TSPAN5: variants seen among roughly 807,000 people sequenced by gnomAD.
TSPAN5 encodes the protein tetraspanin 5, also known as tetraspanin-5.
Under a neutral mutation model 37.1 loss-of-function variants are expected in TSPAN5, and 10 were observed. That is an observed-to-expected ratio of 0.27 (90% CI 0.17 to 0.46). The LOEUF (loss-of-function observed/expected upper bound fraction) is 0.46. TSPAN5 is among the 20% of genes least tolerant of loss of function. The pLI, the probability that TSPAN5 is intolerant of heterozygous loss-of-function variation, is 1.00. For synonymous variants in TSPAN5, 110 were observed against 118.9 expected, an observed-to-expected ratio of 0.93 and a Z score of 0.48; for missense variants, 195 against 326.6, an observed-to-expected ratio of 0.60 and a Z score of 3.11.
intron 1 of TSPAN5, among the ~76,000 whole-genome samples, chr4:98,614,953 G>A (rs572241735): frequency 4.4e-4 from 67 of 152,252 alleles, no homozygotes; most frequent in Non-Finnish European, 7.2e-4. Flanking sequence ...TGCCCTATTG[G>A]CCAACAACAT....
intron 2 of TSPAN5, among the ~76,000 whole-genome samples, chr4:98,501,152 T>C (rs1753338075): frequency 6.6e-6 from 1 of 152,236 alleles, no homozygotes; most frequent in Admixed American, 6.5e-5. Flanking sequence ...AGATTTCCAC[T>C]TTTACGAGAG....
intron 1 of TSPAN5, among the ~76,000 whole-genome samples, chr4:98,523,728 C>T (rs540664478): frequency 1.1e-4 from 16 of 152,272 alleles, no homozygotes; most frequent in South Asian, 4.1e-4. Flanking sequence ...CATAAGCCAC[C>T]GTGCCCAGCT....
At chr4:98,601,045 A>C (rs1755871055) in intron 1 of TSPAN5, among the ~76,000 whole-genome samples, 1 of 152,232 alleles carries the variant, frequency 6.6e-6, no homozygotes, top group African/African-American at 2.4e-5. Flanking sequence ...TGGAACAGTA[A>C]TATTTTGGAA....
chr4:98,562,639 A>G (rs1754907056), intron 1 of TSPAN5, among the ~76,000 whole-genome samples: 1 of 152,056 alleles, frequency 6.6e-6, no homozygotes, highest in African/African-American at 2.4e-5. Context: ...CCAGCCTGGC[A>G]ACACAGCGAG....
intron 1 of TSPAN5, among the ~76,000 whole-genome samples, chr4:98,533,776 G>T (rs1373100832): frequency 9.5e-5 from 14 of 147,668 alleles, no homozygotes; most frequent in African/African-American, 2.2e-4. Context: ...GGTCTCGATC[G>T]CCTGACCTCG....
intron 1 of TSPAN5, among the ~76,000 whole-genome samples, chr4:98,626,532 C>T (rs1473328687): frequency 6.6e-6 from 1 of 151,882 alleles, no homozygotes; most frequent in Non-Finnish European, 1.5e-5. Context: ...TTTCCTACCA[C>T]TCTCCTCTCC....
In TSPAN5 at chr4:98,577,438, T is replaced by C. The variant is rs11930706; in HGVS notation, c.82-69710A>G. ...TTTGCCTTCTCCCAGCCCAGAGACA[T>C]CTACCTACCTTTCCCTCACAGCATC... is the stretch of plus-strand genomic sequence containing the variant. On this transcript the variant is annotated intron_variant, in intron 1 of 7. Transcript: ENST00000305798. Among the ~76,000 whole-genome samples the C allele has an allele frequency of 4.1e-3, 631 of 152,234 alleles. 8 individuals are homozygous for C. The highest frequency in any genetic ancestry group is 0.015 in the African/African-American group (613 of 41,540).
At chr4:98,548,886 G>GGT (rs142527701) in intron 1 of TSPAN5, among the ~76,000 whole-genome samples, 8,811 of 57,300 alleles carry the variant, frequency 0.15, 337 homozygotes, top group Admixed American at 0.28. Flanking sequence ...AGTATTCCAA[G>GGT]GTGTGTGTGT....
chr4:98,557,301 T>C (rs1754773065), intron 1 of TSPAN5, among the ~76,000 whole-genome samples: 1 of 152,100 alleles, frequency 6.6e-6, no homozygotes, highest in South Asian at 2.1e-4. Context: ...AATGCACAAA[T>C]GGTATTAAAT....
At chr4:98,487,375 C>T (rs1752992865) in intron 2 of TSPAN5, among the ~76,000 whole-genome samples, 1 of 151,998 alleles carries the variant, frequency 6.6e-6, no homozygotes, top group African/African-American at 2.4e-5. Flanking sequence ...CAAAAAAAGA[C>T]AGATGTATAA....
Position 98,658,456 on chromosome 4 carries a change from G to A in TSPAN5, c.-230C>T, listed in dbSNP as rs1757340520. 1 of 292,908 alleles carries A rather than the reference G, an allele frequency of 3.4e-6. No homozygotes were observed. The highest frequency in any genetic ancestry group is 2.2e-5 in the African/African-American group (1 of 45,054). The allele number at this position is 292,908 out of a possible 1,614,324, so 18.1% of individuals were successfully genotyped here. A position where few individuals can be genotyped will look rare whatever the true frequency, so the allele number is the denominator to read the frequency against. ...AGCCGGGGTGGCCGCGAGAAAGCAG[G>A]GAAGCCGCGCGCTGCAAGCTCAAGC... On this transcript the variant is annotated 5_prime_UTR_variant, in exon 1 of 8. Coordinates refer to ENST00000305798, the MANE Select transcript of TSPAN5 (RefSeq NM_005723.4).
intron 2 of TSPAN5, among the ~76,000 whole-genome samples, chr4:98,499,657 C>CTT (rs757802654): frequency 0.035 from 3,737 of 108,008 alleles, 309 homozygotes; most frequent in African/African-American, 0.1. Context: ...GTTTCCAGCT[C>CTT]TTTTTTTTTT....
intron 1 of TSPAN5, among the ~76,000 whole-genome samples, chr4:98,529,302 A>C (rs912346666): frequency 2.0e-5 from 3 of 152,250 alleles, no homozygotes; most frequent in African/African-American, 7.2e-5. Flanking sequence ...CTCGAAAATC[A>C]ATGAAATTAG....
At chr4:98,632,983 C>A (rs56754860) in intron 1 of TSPAN5, among the ~76,000 whole-genome samples, 14 of 152,028 alleles carry the variant, frequency 9.2e-5, no homozygotes, top group African/African-American at 3.4e-4. Flanking sequence ...AAGCATGAAC[C>A]GTAGGCAGGA....
chr4:98,587,895 G>GCAA (rs147808702), intron 1 of TSPAN5, among the ~76,000 whole-genome samples: 5,439 of 151,416 alleles, frequency 0.036, 162 homozygotes, highest in East Asian at 0.11. Context: ...CTCAAAAACA[G>GCAA]CAACAACAAC....
intron 7 of TSPAN5, among the ~76,000 whole-genome samples, chr4:98,473,021 G>A (rs185093399): frequency 1.3e-5 from 2 of 152,216 alleles, no homozygotes; most frequent in East Asian, 3.9e-4. Context: ...TATTCCTTTT[G>A]ATGGTTGAAT....
chr4:98,475,922 G>A lies in TSPAN5; in HGVS notation c.741+267C>T, dbSNP rs931506301. Among the ~76,000 whole-genome samples, 4 of 152,000 alleles carry A rather than the reference G, an allele frequency of 2.6e-5. 1 individual carries two copies. Among genetic ancestry groups the A allele is most frequent in the African/African-American group, 2.4e-5 (1 of 41,448 alleles). ...GGAGAATGGCATGAACCCAAGAGGC[G>A]GAGCTTTCAGTGAGCCAAGATCATG... On this transcript the variant is annotated intron_variant, in intron 7 of 7. Transcript: ENST00000305798.
At chr4:98,620,786 G>C (rs909910834) in intron 1 of TSPAN5, among the ~76,000 whole-genome samples, 21 of 152,194 alleles carry the variant, frequency 1.4e-4, no homozygotes, top group Non-Finnish European at 2.9e-4. Context: ...GGCTGACAAG[G>C]TAGGCAGGGG....
At position 98,472,401 on chromosome 4, in the gene TSPAN5, T is replaced by C. The variant is rs1752608204; in HGVS notation, c.*121A>G. 4 of 746,392 alleles carry C rather than the reference T, an allele frequency of 5.4e-6. No individual in the cohort carries two copies. The Admixed American group carries it at 1.0e-4, about 19-fold the overall frequency. The allele number at this position is 746,392 out of a possible 1,614,324, so 46.2% of individuals were successfully genotyped here. On this transcript the variant is annotated 3_prime_UTR_variant, in exon 8 of 8. Transcript: ENST00000305798. ...TACACTCCCCTAATGGCAGCTCCAT[T>C]AGGCGAGACTGCAGGCTGCATCTGT... is the stretch of plus-strand genomic sequence containing the variant.
Sources: allele counts gnomAD v4.1 joint callset (sites outside exome capture counted in the v4.1 genomes callset), GRCh38; gene constraint gnomAD v4.1.1; transcripts MANE v1.5; gene names NCBI Gene and HGNC (gene_info 2026-07-23, HGNC 2026-07-21).